The following NEGR1 variants were observed in gnomAD, a reference collection of about 807,000 sequenced individuals.
NEGR1 encodes the protein IgLON family member 4.
In NEGR1, 10 loss-of-function variants were observed where a neutral mutation model predicts 40.9. That is an observed-to-expected ratio of 0.24 (90% CI 0.15 to 0.42). The LOEUF (loss-of-function observed/expected upper bound fraction) is 0.42, where lower values mean the gene tolerates loss of function less well. Ranked by LOEUF, NEGR1 falls within the 10% of genes least tolerant of loss-of-function variation. The pLI is 1.00. For synonymous variants in NEGR1, 185 were observed against 166.8 expected, an observed-to-expected ratio of 1.11 and a Z score of -0.84; for missense variants, 352 against 438.9, an observed-to-expected ratio of 0.80 and a Z score of 1.77.
intron 1 of NEGR1, among the ~76,000 whole-genome samples, chr1:72,013,976 A>T (rs1646684976): frequency 7.2e-6 from 1 of 138,234 alleles, no homozygotes; most frequent in South Asian, 2.2e-4. Context: ...AAAAAAAAAA[A>T]AAAAAAAAAA....
intron 2 of NEGR1, among the ~76,000 whole-genome samples, chr1:71,830,713 G>T (rs1557669040): frequency 6.6e-6 from 1 of 151,896 alleles, no homozygotes; most frequent in Non-Finnish European, 1.5e-5. Context: ...GATACTACTC[G>T]ACTTTGTTCC....
At chr1:71,693,731 A>G (rs1653376051) in intron 4 of NEGR1, among the ~76,000 whole-genome samples, 1 of 151,532 alleles carries the variant, frequency 6.6e-6, no homozygotes. Flanking sequence ...CACATTTCCA[A>G]AACTGGCACT....
chr1:71,534,978 A>C (rs981381822), intron 6 of NEGR1, among the ~76,000 whole-genome samples: 1 of 151,660 alleles, frequency 6.6e-6, no homozygotes. Flanking sequence ...AGTCTCTTAA[A>C]ATTTTTTTGT....
intron 2 of NEGR1, among the ~76,000 whole-genome samples, chr1:71,897,194 T>C (rs1349272679): frequency 6.6e-6 from 1 of 152,106 alleles, no homozygotes; most frequent in Non-Finnish European, 1.5e-5. Context: ...CGAAGTATTA[T>C]TGTCTCTGTT....
chr1:71,838,931 A>T (rs1040755607), intron 2 of NEGR1, among the ~76,000 whole-genome samples: 1 of 152,130 alleles, frequency 6.6e-6, no homozygotes, highest in Admixed American at 6.6e-5. Context: ...AGTTGATTTG[A>T]TATTCTGTAA....
At chr1:72,279,989 TA>T (rs1347836779) in intron 1 of NEGR1, among the ~76,000 whole-genome samples, 3 of 152,138 alleles carry the variant, frequency 2.0e-5, no homozygotes, top group Non-Finnish European at 4.4e-5. Flanking sequence ...TTTCATATGA[TA>T]AAAAAATTTA....
intron 2 of NEGR1, among the ~76,000 whole-genome samples, chr1:71,799,033 T>TG (rs1226261596): frequency 6.6e-6 from 1 of 151,362 alleles, no homozygotes; most frequent in African/African-American, 2.4e-5. Flanking sequence ...GAAAAGATCT[T>TG]GTATTGAATG....
At chr1:71,786,959 A>C (rs992872093) in intron 2 of NEGR1, among the ~76,000 whole-genome samples, 1 of 152,202 alleles carries the variant, frequency 6.6e-6, no homozygotes, top group African/African-American at 2.4e-5. Context: ...CCTCGGGGCT[A>C]CCATGCTGGA....
intron 1 of NEGR1, among the ~76,000 whole-genome samples, chr1:72,281,188 G>A (rs1656229901): frequency 6.6e-6 from 1 of 152,074 alleles, no homozygotes; most frequent in Non-Finnish European, 1.5e-5. Flanking sequence ...GACTGATGGA[G>A]GGAGGAAGGT....
rs149046948 is a variant in NEGR1 at position 71,525,024 on chromosome 1, A to T, written c.940+67793T>A. ...CAGGGAGACCCATTTTGGACTTCTG[A>T]CCTCCAAAACTATAAGATAATACAT... On this transcript the variant is annotated intron_variant, in intron 6 of 6. Transcript: ENST00000357731. Among the ~76,000 whole-genome samples the T allele has an allele frequency of 5.7e-3, 866 of 151,842 alleles. 6 individuals are homozygous for T. Among genetic ancestry groups the T allele is most frequent in the Middle Eastern group, 0.034 (10 of 294 alleles).
At chr1:71,898,340 G>A (rs897105845) in intron 2 of NEGR1, among the ~76,000 whole-genome samples, 7 of 152,164 alleles carry the variant, frequency 4.6e-5, no homozygotes, top group Non-Finnish European at 1.5e-5. Context: ...TGCTGGCCGG[G>A]CGCGGTGGTT....
chr1:71,751,039 A>C (rs1655554747), intron 3 of NEGR1, among the ~76,000 whole-genome samples: 1 of 151,962 alleles, frequency 6.6e-6, no homozygotes, highest in Admixed American at 6.6e-5. Context: ...TTTAGGGGTG[A>C]GAATATAGTA....
chr1:71,850,510 C>T (rs1238285639), intron 2 of NEGR1, among the ~76,000 whole-genome samples: 1 of 152,098 alleles, frequency 6.6e-6, no homozygotes, highest in South Asian at 2.1e-4. Flanking sequence ...TAAACTCCTA[C>T]ACGGCCCTTT....
rs983645910 is a variant in NEGR1, at chr1:71,731,134, G to T, written c.536-32995C>A. 3.9e-5 allele frequency among the ~76,000 whole-genome samples: 6 copies of T among 151,918 alleles called. No individual in the cohort carries two copies. The East Asian group carries it at 1.2e-3, about 29-fold the overall frequency. ...ACAATTTAATGAAGATAAGATCAAG[G>T]TTATCATTCTTATTAACAACATATT... is the stretch of plus-strand genomic sequence containing the variant. On this transcript the variant is annotated intron_variant, in intron 3 of 6. Transcript: ENST00000357731.
intron 1 of NEGR1, among the ~76,000 whole-genome samples, chr1:72,079,778 G>T (rs1647908314): frequency 2.0e-5 from 3 of 151,982 alleles, no homozygotes; most frequent in African/African-American, 7.2e-5. Flanking sequence ...AATACTAAAA[G>T]ATGTTTCTAT....
intron 1 of NEGR1, among the ~76,000 whole-genome samples, chr1:72,120,175 GA>G (rs1317547355): frequency 6.6e-6 from 1 of 151,760 alleles, no homozygotes; most frequent in Admixed American, 6.6e-5. Context: ...GTGAGAATTT[GA>G]AAAATTTTTC....
chr1:71,710,437 C>T (rs184006965), intron 3 of NEGR1, among the ~76,000 whole-genome samples: 25 of 152,272 alleles, frequency 1.6e-4, no homozygotes, highest in Non-Finnish European at 2.9e-4. Flanking sequence ...ATGTTTGTGG[C>T]AGCACTGTTT....
chr1:71,779,149 T>C (rs914418534), intron 2 of NEGR1, among the ~76,000 whole-genome samples: 2 of 152,166 alleles, frequency 1.3e-5, no homozygotes, highest in African/African-American at 4.8e-5. Flanking sequence ...AGATGCCATG[T>C]GTAAGAGGGC....
At chr1:71,862,671 T>A (rs1019801549) in intron 2 of NEGR1, among the ~76,000 whole-genome samples, 1 of 152,072 alleles carries the variant, frequency 6.6e-6, no homozygotes, top group Non-Finnish European at 1.5e-5. Flanking sequence ...TCTAGTGCAA[T>A]GCTGGGTACA....
Sources: allele counts gnomAD v4.1 joint callset (sites outside exome capture counted in the v4.1 genomes callset), GRCh38; gene constraint gnomAD v4.1.1; transcripts MANE v1.5; gene names NCBI Gene and HGNC (gene_info 2026-07-23, HGNC 2026-07-21).